Variants in NBEA observed in about 807,000 individuals in gnomAD.
The protein encoded by NBEA is neurobeachin.
A neutral mutation model predicts 343.4 loss-of-function variants in NBEA; 44 were observed. The observed-to-expected ratio is 0.13, with a 90% CI of 0.10 to 0.16. The LOEUF (loss-of-function observed/expected upper bound fraction) is 0.16, where lower values mean the gene tolerates loss of function less well. Ranked by LOEUF, NBEA falls within the 10% of genes least tolerant of loss-of-function variation. The pLI is 1.00. For synonymous variants in NBEA, 1,175 were observed against 1,238.7 expected, an observed-to-expected ratio of 0.95 and a Z score of 1.08; for missense variants, 2,555 against 3,631.3, an observed-to-expected ratio of 0.70 and a Z score of 7.62.
chr13:35,620,095 A>T (rs1414138949), intron 48 of NBEA, among the ~76,000 whole-genome samples: 1 of 152,116 alleles, frequency 6.6e-6, no homozygotes, highest in Non-Finnish European at 1.5e-5. Context: ...GTAAACACTG[A>T]TAGTGTTTAT....
At chr13:35,524,875 G>A (rs1210432398) in intron 41 of NBEA, among the ~76,000 whole-genome samples, 1 of 152,152 alleles carries the variant, frequency 6.6e-6, no homozygotes, top group Non-Finnish European at 1.5e-5. Context: ...TGCAAGAATA[G>A]ATTACCTGGA....
intron 1 of NBEA, among the ~76,000 whole-genome samples, chr13:35,017,614 T>C (rs1030916664): frequency 6.6e-6 from 1 of 152,190 alleles, no homozygotes; most frequent in Non-Finnish European, 1.5e-5. Flanking sequence ...TATCTTTTTT[T>C]GAAATATCTG....
chr13:35,091,179 G>A (rs865976128), intron 10 of NBEA, among the ~76,000 whole-genome samples: 3 of 151,932 alleles, frequency 2.0e-5, no homozygotes, highest in African/African-American at 7.2e-5. Context: ...TAAGAGGGTG[G>A]GACAAACACC....
chr13:35,030,284 A>C (rs908584323), intron 1 of NBEA, among the ~76,000 whole-genome samples: 5 of 151,488 alleles, frequency 3.3e-5, no homozygotes, highest in Non-Finnish European at 7.4e-5. Flanking sequence ...AATTCTTTTA[A>C]ATTATGGTCT....
chr13:35,376,860 C>T (rs1434577245), intron 38 of NBEA, among the ~76,000 whole-genome samples: 1 of 152,100 alleles, frequency 6.6e-6, no homozygotes, highest in Non-Finnish European at 1.5e-5. Flanking sequence ...AAGCCTGCCT[C>T]CGGTTGACCA....
At chr13:35,248,295 G>C (rs968645279) in intron 34 of NBEA, among the ~76,000 whole-genome samples, 5 of 152,124 alleles carry the variant, frequency 3.3e-5, no homozygotes, top group African/African-American at 1.2e-4. Flanking sequence ...TGCAAGGATG[G>C]TTCAGCATAT....
At chr13:35,366,615 T>G (rs1044035555) in intron 38 of NBEA, among the ~76,000 whole-genome samples, 1 of 150,198 alleles carries the variant, frequency 6.7e-6, no homozygotes, top group Non-Finnish European at 1.5e-5. Context: ...TCATTCATTT[T>G]AATTTTATAA....
chr13:35,665,025 G>T (rs1174119651), intron 55 of NBEA, 60 bp from the exon 56 acceptor site: 1 of 1,116,018 alleles, frequency 9.0e-7, no homozygotes, highest in East Asian at 2.6e-5. Context: ...TGCATTGCTG[G>T]TGTAGCTCTC....
intron 36 of NBEA, among the ~76,000 whole-genome samples, chr13:35,327,866 A>G (rs571051381): frequency 6.6e-6 from 1 of 151,990 alleles, no homozygotes; most frequent in Non-Finnish European, 1.5e-5. Context: ...ATTGTCATAG[A>G]TGTAGGAAAA....
chr13:35,284,654 G>A (rs2035300941), intron 34 of NBEA, among the ~76,000 whole-genome samples: 1 of 152,022 alleles, frequency 6.6e-6, no homozygotes, highest in Non-Finnish European at 1.5e-5. Context: ...GATGTTTCAT[G>A]TCTATTTTTG....
At position 35,098,419 on chromosome 13, in the gene NBEA, GT is replaced by G; in HGVS notation, c.1680+16del. 1.3e-6 allele frequency: 2 copies of G among 1,533,838 alleles called. No individual in the cohort carries two copies. The highest frequency in any genetic ancestry group is 1.8e-6 in the Non-Finnish European group (2 of 1,125,112). On this transcript the variant is annotated intron_variant, in intron 11 of 58. Transcript: ENST00000379939. The stretch of plus-strand genomic sequence containing the variant: ...TTACTTGAAAAGGTAAGTGATATGT[GT>G]TGATGGTTTTATTGTGTAGCTTCAC...
intron 1 of NBEA, among the ~76,000 whole-genome samples, chr13:35,033,194 T>G (rs996392316): frequency 2.6e-5 from 4 of 151,804 alleles, no homozygotes; most frequent in Admixed American, 1.3e-4. Flanking sequence ...TCATGAGAGA[T>G]AGGGGTTTAG....
intron 17 of NBEA, among the ~76,000 whole-genome samples, chr13:35,125,725 T>C (rs749466068): frequency 1.3e-5 from 2 of 152,114 alleles, no homozygotes; most frequent in Admixed American, 1.3e-4. Flanking sequence ...AAAAATAAGT[T>C]AAAGTAACCA....
intron 39 of NBEA, among the ~76,000 whole-genome samples, chr13:35,446,648 T>C (rs565616539): frequency 5.3e-5 from 8 of 152,182 alleles, no homozygotes; most frequent in Non-Finnish European, 1.2e-4. Flanking sequence ...TTTTAGAGAA[T>C]ATGAGGTGCA....
chr13:35,463,615 G>A (rs141265759), intron 40 of NBEA, among the ~76,000 whole-genome samples: 34 of 151,580 alleles, frequency 2.2e-4, no homozygotes, highest in Middle Eastern at 3.4e-3. Flanking sequence ...GTGAGACTCC[G>A]TCGCAAAAAA....
intron 1 of NBEA, among the ~76,000 whole-genome samples, chr13:34,966,892 A>G (rs2059838330): frequency 6.6e-6 from 1 of 151,662 alleles, no homozygotes; most frequent in Non-Finnish European, 1.5e-5. Flanking sequence ...CTAAGAGGAG[A>G]TAAGGAACTT....
chr13:35,482,928 T>C (rs2076175058), intron 41 of NBEA, among the ~76,000 whole-genome samples: 1 of 151,900 alleles, frequency 6.6e-6, no homozygotes, highest in Non-Finnish European at 1.5e-5. Context: ...TTATGATTAA[T>C]GTATAAATGT....
intron 34 of NBEA, among the ~76,000 whole-genome samples, chr13:35,275,061 C>T (rs891926972): frequency 1.1e-4 from 16 of 152,258 alleles, no homozygotes; most frequent in African/African-American, 3.9e-4. Flanking sequence ...CAATCCTAAG[C>T]AAAAAGGACA....
At chr13:35,558,078 A>T (rs1370274742) in intron 44 of NBEA, among the ~76,000 whole-genome samples, 1 of 152,184 alleles carries the variant, frequency 6.6e-6, no homozygotes, top group East Asian at 1.9e-4. Context: ...CAAAATTGAG[A>T]TTCCTTAGCA....
Sources: allele counts gnomAD v4.1 joint callset (sites outside exome capture counted in the v4.1 genomes callset), GRCh38; gene constraint gnomAD v4.1.1; transcripts MANE v1.5; gene names NCBI Gene and HGNC (gene_info 2026-07-23, HGNC 2026-07-21).